Variants in NDUFB5 observed in about 807,000 individuals in gnomAD.
NDUFB5 encodes NADH:ubiquinone oxidoreductase subunit B5.
A neutral mutation model predicts 19.4 loss-of-function variants in NDUFB5; 19 were observed. The ratio of observed to expected loss-of-function variants is 0.98; its 90% CI spans 0.68 to 1.43. The LOEUF is 1.43. Among genes scored for constraint, NDUFB5 ranks in the 40% most tolerant of loss-of-function variants. The pLI is 0.00. For synonymous variants in NDUFB5, 80 were observed against 82.6 expected (o/e 0.97, Z 0.17); for missense variants, 233 against 236.5 (o/e 0.99, Z 0.10).
chr3:179,616,901 T>C (rs1719393316), intron 3 of NDUFB5, 82 bp from the exon 4 acceptor site: 1 of 1,016,036 alleles, frequency 9.8e-7, no homozygotes, highest in Non-Finnish European at 1.5e-6. Flanking sequence ...CCACAAGAAG[T>C]TGGTTTCTTA....
At chr3:179,608,982 T>G (rs1719172093) in intron 1 of NDUFB5, among the ~76,000 whole-genome samples, 2 of 152,214 alleles carry the variant, frequency 1.3e-5, no homozygotes, top group Non-Finnish European at 2.9e-5. Context: ...ACTTGCAGAT[T>G]TTAATTACTG....
In NDUFB5 at chr3:179,604,841, G is replaced by A. The variant is rs746538704; in HGVS notation, c.26G>A (p.Arg9Gln). MAAMSLLRRVSVTAVAALS... is the reference protein window; with the variant it reads MAAMSLLRQVSVTAVAALS... ...ATGGCGGCCATGAGTTTGTTGCGGCGGGTTTCGGTTACTGCGGTGGCAGCT... is the reference window on the plus strand; with the variant it reads ...ATGGCGGCCATGAGTTTGTTGCGGCAGGTTTCGGTTACTGCGGTGGCAGCT... The change falls in exon 1 of 6, where the codon CGG becomes CAG. Residue 9 changes from arginine to glutamine, a missense_variant. Transcript: ENST00000259037. 3.1e-6 allele frequency: 5 copies of A among 1,605,564 alleles called. No homozygotes were observed. Among genetic ancestry groups the A allele is most frequent in the East Asian group, 4.5e-5 (2 of 44,824 alleles).
intron 1 of NDUFB5, among the ~76,000 whole-genome samples, chr3:179,611,509 T>G (rs1380544468): frequency 6.6e-6 from 1 of 151,990 alleles, no homozygotes; most frequent in Non-Finnish European, 1.5e-5. Flanking sequence ...GCCTCCTGGA[T>G]TCAAGCGATT....
Position 179,624,941 on chromosome 3 carries a change from C to A in NDUFB5, c.*901C>A, listed in dbSNP as rs2108406523. 6.6e-6 allele frequency: 1 copy of A among 152,012 alleles called. No homozygotes were observed. Among genetic ancestry groups the A allele is most frequent in the East Asian group, 1.9e-4 (1 of 5,186 alleles). The allele number at this position is 152,012 out of a possible 1,614,324, so 9.4% of individuals were successfully genotyped here. A position where few individuals can be genotyped will look rare whatever the true frequency, so the allele number is the denominator to read the frequency against. On this transcript the variant is annotated 3_prime_UTR_variant, in exon 6 of 6. Transcript: ENST00000259037. ...AAGTAGCTGGGATTACAGGCACCCA[C>A]CACCACACCCGGCTAATTTTTGTAT...
intron 1 of NDUFB5, among the ~76,000 whole-genome samples, chr3:179,609,009 A>T (rs184217440): frequency 1.3e-5 from 2 of 152,336 alleles, no homozygotes; most frequent in Non-Finnish European, 2.9e-5. Flanking sequence ...TTCACTTAAC[A>T]TCATTGGCTC....
rs1435111958 is a variant in NDUFB5, at chr3:179,618,147, CACAGCTTTGGAGTCAG to C, written c.343-263_343-248del. ...CAGCATAGTGTAATGGAAAAGAGTA[CACAGCTTTGGAGTCAG>C]ACAGACCTGGTTTGAGTCCAGGTGC... is the stretch of plus-strand genomic sequence containing the variant. On this transcript the variant is annotated intron_variant, in intron 4 of 5. Coordinates refer to ENST00000259037, the MANE Select transcript of NDUFB5 (RefSeq NM_002492.4). 1.9e-5 allele frequency: 5 copies of C among 270,068 alleles called. No homozygotes were observed. In the East Asian group the frequency reaches 4.7e-4, roughly 26 times the overall value. The allele number at this position is 270,068 out of a possible 1,614,324, so 16.7% of individuals were successfully genotyped here. A position where few individuals can be genotyped will look rare whatever the true frequency, so the allele number is the denominator to read the frequency against.
intron 5 of NDUFB5, among the ~76,000 whole-genome samples, chr3:179,623,349 T>A (rs936390982): frequency 6.6e-6 from 1 of 152,238 alleles, no homozygotes; most frequent in Non-Finnish European, 1.5e-5. Context: ...GAGAATTCGC[T>A]ATCAATTTGA....
At chr3:179,621,682 G>A (rs12637059) in intron 5 of NDUFB5, among the ~76,000 whole-genome samples, 13,688 of 151,340 alleles carry the variant, frequency 0.09, 663 homozygotes, top group South Asian at 0.17. Flanking sequence ...TAGAGACCGG[G>A]TTTTGCCAGG....
At chr3:179,610,650 C>T (rs571875954) in intron 1 of NDUFB5, among the ~76,000 whole-genome samples, 1 of 152,296 alleles carries the variant, frequency 6.6e-6, no homozygotes, top group Admixed American at 6.5e-5. Flanking sequence ...ATAGCCTCAT[C>T]CTTCCTAAAG....
intron 1 of NDUFB5, chr3:179,607,715 CTG>C (rs1719140433): frequency 1.4e-6 from 1 of 699,754 alleles, no homozygotes; most frequent in Admixed American, 2.0e-5. Context: ...AACTAAAACT[CTG>C]TATCCGTTAA....
Position 179,624,120 on chromosome 3 carries a change from C to A in NDUFB5, c.*80C>A. The A allele has an allele frequency of 2.3e-6, 3 of 1,312,046 alleles. No homozygotes were observed. The highest frequency in any genetic ancestry group is 1.5e-5 in the South Asian group (1 of 65,776). The allele number at this position is 1,312,046 out of a possible 1,614,324, so 81.3% of individuals were successfully genotyped here. ...AAATATATTCTGTATTTTTGCTCTC[C>A]GTGAAAAACAAAAGAGCCTCTGACA... On this transcript the variant is annotated 3_prime_UTR_variant, in exon 6 of 6. Transcript: ENST00000259037.
At position 179,615,069 on chromosome 3, in the gene NDUFB5, A is replaced by C. The variant is rs377321993; in HGVS notation, c.213+10A>C. The C allele has an allele frequency of 5.0e-6, 8 of 1,589,932 alleles. No homozygotes were observed. The African/African-American group carries it at 1.1e-4, about 21-fold the overall frequency. On this transcript the variant is annotated intron_variant, in intron 2 of 5. Coordinates refer to ENST00000259037, the MANE Select transcript of NDUFB5 (RefSeq NM_002492.4). ...TTTTTTGAAGTTATTGGTAAGTTTAAATTTTTTGTTGAATTAAAGTCTTTG... is the reference window on the plus strand; with the variant it reads ...TTTTTTGAAGTTATTGGTAAGTTTACATTTTTTGTTGAATTAAAGTCTTTG...
chr3:179,622,586 G>A (rs1719567384), intron 5 of NDUFB5, among the ~76,000 whole-genome samples: 1 of 152,118 alleles, frequency 6.6e-6, no homozygotes, highest in South Asian at 2.1e-4. Flanking sequence ...GTACATAGTA[G>A]TCCATTATGT....
Position 179,604,851 on chromosome 3 carries a change from T to C in NDUFB5, c.36T>C (p.Val12=), listed in dbSNP as rs773737380. ...AAMSLLRRVS[V]TAVAALSGRP... ...TGAGTTTGTTGCGGCGGGTTTCGGT[T>C]ACTGCGGTGGCAGCTCTGTCTGGCC... is the stretch of plus-strand genomic sequence containing the variant. The change falls in exon 1 of 6, where the codon GTT becomes GTC. Residue 12 remains valine, a synonymous_variant. Coordinates refer to ENST00000259037, the MANE Select transcript of NDUFB5 (RefSeq NM_002492.4). The C allele has an allele frequency of 6.2e-7, 1 of 1,604,834 alleles. No individual in the cohort carries two copies. The highest frequency in any genetic ancestry group is 1.1e-5 in the South Asian group (1 of 90,018).
chr3:179,616,543 C>T lies in NDUFB5; in HGVS notation c.281-440C>T, dbSNP rs926054451. On this transcript the variant is annotated intron_variant, in intron 3 of 5. Transcript: ENST00000259037. ...GGCAACAGAGTGAGACTCTGTCCCCCCCCCAAAAAAAAACTATAATCCTCT... is the reference window on the plus strand; with the variant it reads ...GGCAACAGAGTGAGACTCTGTCCCCTCCCCAAAAAAAAACTATAATCCTCT... Among the ~76,000 whole-genome samples the T allele has an allele frequency of 2.0e-5, 3 of 151,628 alleles. No homozygotes were observed. In the South Asian group the frequency reaches 6.2e-4, roughly 32 times the overall value.
At chr3:179,622,491 T>C (rs1719565086) in intron 5 of NDUFB5, among the ~76,000 whole-genome samples, 1 of 152,184 alleles carries the variant, frequency 6.6e-6, no homozygotes, top group African/African-American at 2.4e-5. Context: ...GCTTATTTTA[T>C]ACCTTGCTTT....
intron 4 of NDUFB5, 106 bp from the exon 5 acceptor site, chr3:179,618,309 T>A: frequency 1.6e-6 from 1 of 640,930 alleles, no homozygotes; most frequent in Non-Finnish European, 2.7e-6. Flanking sequence ...ACATAGTAGA[T>A]GTTACTGGTT....
At chr3:179,610,010 G>A (rs1719199186) in intron 1 of NDUFB5, among the ~76,000 whole-genome samples, 1 of 152,098 alleles carries the variant, frequency 6.6e-6, no homozygotes, top group Non-Finnish European at 1.5e-5. Flanking sequence ...TGAACGCCTG[G>A]ACTCAAGCAA....
intron 2 of NDUFB5, 184 bp from the exon 3 acceptor site, chr3:179,615,796 ATAT>A (rs1719361380): frequency 3.2e-6 from 2 of 628,292 alleles, no homozygotes; most frequent in Non-Finnish European, 5.6e-6. Context: ...TGTTCTTAAC[ATAT>A]TATTTTCTTT....
Sources: gnomAD v4.1 joint callset for allele counts (sites outside exome capture counted in the v4.1 genomes callset) on GRCh38, gnomAD v4.1.1 for gene constraint, MANE v1.5 for transcripts, NCBI Gene and HGNC (gene_info 2026-07-23, HGNC 2026-07-21) for gene names.